The following CUBN variants were observed in gnomAD, a reference collection of about 807,000 sequenced individuals.
CUBN encodes 460 kDa receptor.
CUBN carries 282 observed loss-of-function variants against 405.3 expected under a neutral mutation model. The ratio of observed to expected loss-of-function variants is 0.70; its 90% CI spans 0.63 to 0.77. The LOEUF (loss-of-function observed/expected upper bound fraction) is 0.77. CUBN is among the 30% of genes least tolerant of loss of function. The pLI, the probability that CUBN is intolerant of heterozygous loss-of-function variation, is 0.00. For synonymous variants in CUBN, 1,684 were observed against 1,617.0 expected (o/e 1.04, Z -0.99); for missense variants, 4,514 against 4,475.2 (o/e 1.01, Z -0.25).
chr10:17,125,998 A>G (rs779505699), intron 4 of CUBN, among the ~76,000 whole-genome samples: 25 of 152,196 alleles, frequency 1.6e-4, no homozygotes, highest in Non-Finnish European at 3.4e-4. Flanking sequence ...CTCAATCTGC[A>G]TGAGTCCTTT....
chr10:16,875,833 T>C (rs1263218734), intron 57 of CUBN, among the ~76,000 whole-genome samples: 1 of 152,196 alleles, frequency 6.6e-6, no homozygotes, highest in Non-Finnish European at 1.5e-5. Context: ...AAGAAGAATA[T>C]AAAGCAGGAG....
chr10:17,124,281 A>G (rs1009613678), intron 4 of CUBN, among the ~76,000 whole-genome samples: 2 of 152,014 alleles, frequency 1.3e-5, no homozygotes, highest in Admixed American at 1.3e-4. Flanking sequence ...TCACAAACAG[A>G]CCTACCTTTG....
At chr10:17,055,239 A>T (rs1489566427) in intron 22 of CUBN, among the ~76,000 whole-genome samples, 1 of 152,152 alleles carries the variant, frequency 6.6e-6, no homozygotes, top group Non-Finnish European at 1.5e-5. Context: ...ATAAAAACTC[A>T]GCAAGTATGC....
intron 14 of CUBN, among the ~76,000 whole-genome samples, chr10:17,094,847 T>C (rs1002588423): frequency 4.6e-5 from 7 of 152,032 alleles, no homozygotes; most frequent in African/African-American, 1.2e-4. Context: ...AGAATTCCAA[T>C]GGTATTTTTC....
chr10:17,123,849 G>C (rs944358272), intron 4 of CUBN, among the ~76,000 whole-genome samples, 160 bp from the exon 5 acceptor site: 17 of 152,060 alleles, frequency 1.1e-4, no homozygotes, highest in African/African-American at 3.6e-4. Context: ...CACCTCTCTT[G>C]TGAAAAAACA....
chr10:17,054,189 G>C (rs1296120784), intron 22 of CUBN, among the ~76,000 whole-genome samples: 3 of 151,858 alleles, frequency 2.0e-5, no homozygotes, highest in African/African-American at 7.3e-5. Context: ...AAATTAACCA[G>C]GCATGGTGGC....
intron 64 of CUBN, 69 bp from the exon 65 acceptor site, chr10:16,831,486 A>T: frequency 7.5e-7 from 1 of 1,335,420 alleles, no homozygotes; most frequent in Non-Finnish European, 1.1e-6. Context: ...TAAAATGGAG[A>T]CAATTTGAAT....
At chr10:16,922,598 T>C (rs190234931) in intron 43 of CUBN, among the ~76,000 whole-genome samples, 1 of 152,184 alleles carries the variant, frequency 6.6e-6, no homozygotes, top group Non-Finnish European at 1.5e-5. Context: ...GCAGAGTGAT[T>C]CCTGCCTGCT....
At chr10:17,084,555 C>G (rs996907084) in intron 16 of CUBN, 94 bp from the exon 17 acceptor site, 1 of 941,350 alleles carries the variant, frequency 1.1e-6, no homozygotes, top group South Asian at 1.4e-5. Context: ...CCCACACACA[C>G]ACACACACAA....
intron 48 of CUBN, among the ~76,000 whole-genome samples, chr10:16,909,776 C>T (rs1015113201): frequency 6.6e-6 from 1 of 152,218 alleles, no homozygotes; most frequent in African/African-American, 2.4e-5. Context: ...AACTACAACT[C>T]TCAGAGTACA....
chr10:16,947,177 A>C (rs1251508079), intron 36 of CUBN, 58 bp downstream of exon 36: 1 of 1,582,190 alleles, frequency 6.3e-7, no homozygotes, highest in African/African-American at 1.3e-5. Context: ...TTAGCACCAG[A>C]ACTTCTTTCC....
At chr10:17,120,574 T>C (rs977516964) in intron 6 of CUBN, among the ~76,000 whole-genome samples, 6 of 152,240 alleles carry the variant, frequency 3.9e-5, no homozygotes, top group African/African-American at 1.4e-4. Context: ...TCTTACAAAG[T>C]TGAATCTGTC....
At position 17,122,814 on chromosome 10, in the gene CUBN, T is replaced by C. The variant is rs1214077428; in HGVS notation, c.574A>G (p.Asn192Asp). 6.2e-7 allele frequency: 1 copy of C among 1,611,680 alleles called. No homozygotes were observed. Among genetic ancestry groups the C allele is most frequent in the Non-Finnish European group, 8.5e-7 (1 of 1,178,154 alleles). Reference protein sequence around the residue: ...LSCQNGGTCVNTMGSYSCHCP... With the variant: ...LSCQNGGTCVDTMGSYSCHCP... ...AGTTACCTGTAACTTCCCATTGTATTAACACATGTGCCTCCATTCTGGCAG... is the reference window on the plus strand; with the variant it reads ...AGTTACCTGTAACTTCCCATTGTATCAACACATGTGCCTCCATTCTGGCAG... Residue 192 changes from asparagine (N) to aspartate (D), a missense_variant, in exon 6 of 67, where the codon AAT becomes GAT. Around this residue, in one of 5 missense-constraint regions of CUBN, gnomAD observed 1,448 missense variants for 1,388.0 expected, o/e 1.04. Transcript: ENST00000377833.
At chr10:17,005,121 T>G (rs1833982319) in intron 28 of CUBN, among the ~76,000 whole-genome samples, 1 of 152,154 alleles carries the variant, frequency 6.6e-6, no homozygotes, top group South Asian at 2.1e-4. Flanking sequence ...AATTTCCCAC[T>G]TAAAAATCCA....
chr10:17,038,358 C>G (rs1018023729), intron 27 of CUBN, among the ~76,000 whole-genome samples: 2 of 152,158 alleles, frequency 1.3e-5, no homozygotes, highest in South Asian at 4.1e-4. Context: ...CATGTTTGCA[C>G]GGGCAAATGG....
At chr10:17,121,019 G>A (rs1043896877) in intron 6 of CUBN, among the ~76,000 whole-genome samples, 5 of 152,136 alleles carry the variant, frequency 3.3e-5, no homozygotes, top group Non-Finnish European at 5.9e-5. Flanking sequence ...ATGGGTTCAC[G>A]GAAATGAGAG....
intron 22 of CUBN, among the ~76,000 whole-genome samples, chr10:17,051,869 G>A (rs369437210): frequency 4.0e-4 from 60 of 151,706 alleles, no homozygotes; most frequent in African/African-American, 1.4e-3. Context: ...AATAAAAATG[G>A]GCCAAAAAAG....
At chr10:16,826,404 A>G (rs990188546) in intron 66 of CUBN, among the ~76,000 whole-genome samples, 1 of 152,222 alleles carries the variant, frequency 6.6e-6, no homozygotes, top group Non-Finnish European at 1.5e-5. Context: ...TGTATGTAAC[A>G]TGTGAAAGTA....
chr10:17,001,500 G>A (rs776444074), intron 28 of CUBN, among the ~76,000 whole-genome samples: 41 of 152,182 alleles, frequency 2.7e-4, no homozygotes, highest in Non-Finnish European at 5.1e-4. Flanking sequence ...ACAGAGCGCC[G>A]ACTGGCGCAT....
Sources: allele counts gnomAD v4.1 joint callset (sites outside exome capture counted in the v4.1 genomes callset), GRCh38; gene constraint gnomAD v4.1.1; regional missense constraint gnomAD v4.1.1; transcripts MANE v1.5; gene names NCBI Gene and HGNC (gene_info 2026-07-23, HGNC 2026-07-21).